Variants in ZNF682 observed in about 807,000 individuals in gnomAD.
ZNF682 encodes the protein zinc finger protein 682.
A neutral mutation model predicts 36.5 loss-of-function variants in ZNF682; 29 were observed. The ratio of observed to expected loss-of-function variants is 0.80; its 90% confidence interval spans 0.59 to 1.08. The LOEUF (loss-of-function observed/expected upper bound fraction) is 1.08, where lower values mean the gene tolerates loss of function less well. Ranked by LOEUF, ZNF682 falls within the 50% of genes least tolerant of loss-of-function variation. The pLI is 0.00. For missense variants in ZNF682, 561 were observed against 579.7 expected (o/e 0.97, Z 0.33); for synonymous variants, 180 against 197.0 (o/e 0.91, Z 0.72).
At chr19:19,995,163 T>C (rs1016740093), downstream of ZNF682, among the ~76,000 whole-genome samples, 3 of 152,206 alleles carry the variant, frequency 2.0e-5, no homozygotes, top group Non-Finnish European at 4.4e-5. Context: ...ACCACGTAAA[T>C]GGCAATGCAG....
intron 3 of ZNF682, among the ~76,000 whole-genome samples, chr19:20,010,330 C>A (rs2088273384): frequency 6.6e-6 from 1 of 152,170 alleles, no homozygotes; most frequent in African/African-American, 2.4e-5. Context: ...TCAATATTAA[C>A]CTTGAACACA....
At chr19:20,022,137 C>G (rs1438597677) in intron 3 of ZNF682, among the ~76,000 whole-genome samples, 1 of 148,752 alleles carries the variant, frequency 6.7e-6, no homozygotes, top group Non-Finnish European at 1.5e-5. Flanking sequence ...GCCCTGCACT[C>G]CAGCCTGGGT....
chr19:20,027,391 C>G lies in ZNF682; in HGVS notation c.4-3015G>C, dbSNP rs1280709054. Among the ~76,000 whole-genome samples, 6 of 152,200 alleles carry G rather than the reference C, an allele frequency of 3.9e-5. No homozygotes were observed. In the East Asian group the frequency reaches 1.2e-3, roughly 29 times the overall value. On this transcript the variant is annotated intron_variant, in intron 1 of 3. Transcript: ENST00000397165. ...GAGATGGCAGCAATTTCTGCTGCAGCAAAGGGCCCATAGGGCCCCACTCCC... is the reference window on the plus strand; with the variant it reads ...GAGATGGCAGCAATTTCTGCTGCAGGAAAGGGCCCATAGGGCCCCACTCCC...
intron 1 of ZNF682, among the ~76,000 whole-genome samples, chr19:20,031,927 G>C (rs1416885170): frequency 1.3e-5 from 2 of 152,190 alleles, no homozygotes; most frequent in Non-Finnish European, 2.9e-5. Context: ...TAGTTTACAG[G>C]AATAACATTG....
chr19:20,035,841 T>C lies in ZNF682; in HGVS notation c.3+3502A>G, dbSNP rs762996744. ...ACCTCTGCCTCCCAGGTTCAGGCAA[T>C]TCTCCTGCCTCAGCCTACCAAGTAG... On this transcript the variant is annotated intron_variant, in intron 1 of 3. Coordinates refer to ENST00000397165, the MANE Select transcript of ZNF682 (RefSeq NM_033196.3). 2.5e-4 allele frequency among the ~76,000 whole-genome samples: 38 copies of C among 152,104 alleles called. No homozygotes were observed. In the Middle Eastern group the frequency reaches 0.014, roughly 54 times the overall value.
chr19:20,017,679 A>G (rs2088346448), intron 3 of ZNF682, among the ~76,000 whole-genome samples: 1 of 152,196 alleles, frequency 6.6e-6, no homozygotes, highest in African/African-American at 2.4e-5. Flanking sequence ...AGAAAATAAA[A>G]AACTTAAAAC....
intron 3 of ZNF682, among the ~76,000 whole-genome samples, chr19:20,017,306 C>T (rs1167433866): frequency 6.6e-6 from 1 of 152,094 alleles, no homozygotes; most frequent in East Asian, 1.9e-4. Flanking sequence ...TTACAATATG[C>T]GTCTTTAGGG....
intron 1 of ZNF682, among the ~76,000 whole-genome samples, chr19:20,025,003 T>G (rs1035473312): frequency 6.6e-6 from 1 of 152,216 alleles, no homozygotes; most frequent in Non-Finnish European, 1.5e-5. Context: ...TCTGTCAAAT[T>G]TTAATGTACG....
intron 2 of ZNF682, 61 bp from the exon 3 acceptor site, chr19:20,023,160 G>T: frequency 7.0e-7 from 1 of 1,422,666 alleles, no homozygotes; most frequent in Non-Finnish European, 9.9e-7. Context: ...CCAACCTAGT[G>T]TTGTGCTCTG....
chr19:20,032,817 C>G (rs750381483), intron 1 of ZNF682, among the ~76,000 whole-genome samples: 2 of 152,184 alleles, frequency 1.3e-5, no homozygotes, highest in African/African-American at 2.4e-5. Context: ...ACTCACTTGT[C>G]GTAGATAGTT....
chr19:20,008,284 C>T (rs1430760422), intron 3 of ZNF682: 1 of 152,244 alleles, frequency 6.6e-6, no homozygotes, highest in Non-Finnish European at 1.5e-5. Context: ...TCATGGTTTC[C>T]ATCCCAGGAA....
intron 3 of ZNF682, among the ~76,000 whole-genome samples, chr19:20,013,178 A>T (rs543144685): frequency 4.9e-4 from 75 of 152,252 alleles, no homozygotes; most frequent in African/African-American, 1.7e-3. Context: ...ACATAAGGCA[A>T]ACTACATTTT....
At chr19:20,029,229 C>T (rs545327415) in intron 1 of ZNF682, among the ~76,000 whole-genome samples, 1 of 151,654 alleles carries the variant, frequency 6.6e-6, no homozygotes, top group East Asian at 2.0e-4. Flanking sequence ...TCTGCCTGCG[C>T]CCCGGCCTCC....
intron 1 of ZNF682, among the ~76,000 whole-genome samples, chr19:20,029,420 G>A (rs2088460909): frequency 1.3e-5 from 2 of 151,196 alleles, no homozygotes; most frequent in Admixed American, 1.3e-4. Flanking sequence ...GGCCAACATC[G>A]TGAAACCCCA....
intron 2 of ZNF682, 119 bp from the exon 3 acceptor site, chr19:20,023,218 G>A (rs2088402577): frequency 2.2e-6 from 2 of 917,512 alleles, no homozygotes; most frequent in African/African-American, 3.3e-5. Context: ...TAATAATAAG[G>A]ACAGGCGCGT....
At chr19:20,028,075 G>T (rs2088447621) in intron 1 of ZNF682, among the ~76,000 whole-genome samples, 2 of 152,170 alleles carry the variant, frequency 1.3e-5, no homozygotes, top group Admixed American at 1.3e-4. Context: ...ACAGGTAAGG[G>T]TATTTCTTCA....
At chr19:20,037,343 C>T (rs796745023) in intron 1 of ZNF682, among the ~76,000 whole-genome samples, 1 of 152,148 alleles carries the variant, frequency 6.6e-6, no homozygotes, top group Non-Finnish European at 1.5e-5. Flanking sequence ...CTGACTTCTT[C>T]CTGTGTCCAT....
At chr19:20,018,975 G>A (rs2088361365) in intron 3 of ZNF682, among the ~76,000 whole-genome samples, 1 of 152,192 alleles carries the variant, frequency 6.6e-6, no homozygotes, top group Admixed American at 6.5e-5. Context: ...CCTAAGAAAT[G>A]GGTGAAATAT....
chr19:20,002,214 C>G (rs554726676), downstream of ZNF682, among the ~76,000 whole-genome samples: 1 of 151,498 alleles, frequency 6.6e-6, no homozygotes, highest in African/African-American at 2.4e-5. Flanking sequence ...TCCCGAGTAG[C>G]TGGGACTACA....
Sources: gnomAD v4.1 joint callset for allele counts (sites outside exome capture counted in the v4.1 genomes callset) on GRCh38, gnomAD v4.1.1 for gene constraint, MANE v1.5 for transcripts, NCBI Gene and HGNC (gene_info 2026-07-23, HGNC 2026-07-21) for gene names.